The following DCC variants were observed in gnomAD, a reference collection of about 807,000 sequenced individuals.
The protein encoded by DCC is DCC netrin 1 receptor.
DCC carries 58 observed loss-of-function variants against 172.5 expected under a neutral mutation model. The ratio of observed to expected loss-of-function variants is 0.34; its 90% CI spans 0.27 to 0.42. The LOEUF (loss-of-function observed/expected upper bound fraction) is 0.42, where lower values mean the gene tolerates loss of function less well. DCC is among the 10% of genes least tolerant of loss of function. The pLI, the probability that DCC is intolerant of heterozygous loss-of-function variation, is 1.00. For missense variants in DCC, 1,740 were observed against 1,791.0 expected, an observed-to-expected ratio of 0.97 and a Z score of 0.51; for synonymous variants, 709 against 644.5, an observed-to-expected ratio of 1.10 and a Z score of -1.52.
intron 5 of DCC, among the ~76,000 whole-genome samples, chr18:53,047,265 TA>T (rs1568267955): frequency 2.5e-4 from 4 of 15,702 alleles, no homozygotes; most frequent in East Asian, 2.3e-3. Flanking sequence ...TATATATATA[TA>T]TATATATATA....
chr18:53,402,491 T>C (rs2145036492), intron 18 of DCC, among the ~76,000 whole-genome samples: 1 of 152,308 alleles, frequency 6.6e-6, no homozygotes, highest in East Asian at 1.9e-4. Flanking sequence ...ATGATTCTTT[T>C]ATTTTTAGTG....
chr18:52,867,082 A>G (rs1426343480), intron 2 of DCC, among the ~76,000 whole-genome samples: 1 of 152,186 alleles, frequency 6.6e-6, no homozygotes, highest in Non-Finnish European at 1.5e-5. Context: ...GAGAGTTTTT[A>G]GCATGAAGGG....
chr18:52,718,407 C>A (rs1253571754), intron 1 of DCC, among the ~76,000 whole-genome samples: 1 of 152,188 alleles, frequency 6.6e-6, no homozygotes, highest in Middle Eastern at 3.4e-3. Flanking sequence ...GATGACAGGG[C>A]AAGGTTTTGT....
intron 1 of DCC, among the ~76,000 whole-genome samples, chr18:52,705,667 T>C (rs557965147): frequency 5.9e-5 from 9 of 152,192 alleles, no homozygotes; most frequent in Non-Finnish European, 2.9e-5. Flanking sequence ...GATCTTGATC[T>C]AGCTTTTATC....
intron 1 of DCC, among the ~76,000 whole-genome samples, chr18:52,494,154 A>T (rs2030642629): frequency 6.6e-6 from 1 of 152,012 alleles, no homozygotes. Context: ...TTCTGTTGAG[A>T]GGTCAACTAT....
intron 7 of DCC, among the ~76,000 whole-genome samples, chr18:53,108,219 C>G (rs2043279123): frequency 6.6e-6 from 1 of 151,722 alleles, no homozygotes; most frequent in African/African-American, 2.4e-5. Context: ...CATCAATTCT[C>G]ACTTAATTCC....
intron 5 of DCC, among the ~76,000 whole-genome samples, chr18:52,986,888 T>C (rs1045425234): frequency 1.3e-5 from 2 of 151,498 alleles, no homozygotes; most frequent in Non-Finnish European, 2.9e-5. Context: ...AGTGGTGTGA[T>C]CTCAGCTCAC....
intron 5 of DCC, among the ~76,000 whole-genome samples, chr18:53,005,496 G>A (rs891295317): frequency 2.0e-5 from 3 of 152,166 alleles, no homozygotes; most frequent in African/African-American, 7.2e-5. Flanking sequence ...CACTTTGGGA[G>A]GCCAAGTTGG....
intron 1 of DCC, among the ~76,000 whole-genome samples, chr18:52,355,957 C>A (rs950119524): frequency 8.3e-4 from 126 of 151,658 alleles, no homozygotes; most frequent in African/African-American, 2.9e-3. Context: ...CTCTGGAAGA[C>A]AAAAAAGAAA....
At chr18:52,429,021 C>G (rs1987534074) in intron 1 of DCC, among the ~76,000 whole-genome samples, 1 of 152,006 alleles carries the variant, frequency 6.6e-6, no homozygotes, top group Admixed American at 6.6e-5. Context: ...CAACTCCTAC[C>G]CTCTCTTTCG....
intron 1 of DCC, among the ~76,000 whole-genome samples, chr18:52,677,924 C>A (rs1457410627): frequency 6.6e-6 from 1 of 152,078 alleles, no homozygotes; most frequent in Non-Finnish European, 1.5e-5. Flanking sequence ...CGCCACCATT[C>A]TGAAAACAAA....
At chr18:52,584,988 C>A (rs1322613470) in intron 1 of DCC, among the ~76,000 whole-genome samples, 1 of 152,188 alleles carries the variant, frequency 6.6e-6, no homozygotes. Flanking sequence ...ACATTTAGAA[C>A]TTCATTGGAG....
chr18:53,226,005 A>T lies in DCC; in HGVS notation c.1911+10408A>T, dbSNP rs563986078. Among the ~76,000 whole-genome samples the T allele has an allele frequency of 3.9e-5, 6 of 152,316 alleles. No individual in the cohort carries two copies. In the East Asian group the frequency reaches 1.2e-3, roughly 29 times the overall value. ...GAGTGGTGATGGATAACAGAAAAATAGTAAGGCCAGTGGGCTGCATTATTA... is the reference window on the plus strand; with the variant it reads ...GAGTGGTGATGGATAACAGAAAAATTGTAAGGCCAGTGGGCTGCATTATTA... On this transcript the variant is annotated intron_variant, in intron 12 of 28. Coordinates refer to ENST00000442544, the MANE Select transcript of DCC (RefSeq NM_005215.4).
chr18:53,191,533 TAC>T (rs1195686035), intron 9 of DCC, among the ~76,000 whole-genome samples: 1 of 152,226 alleles, frequency 6.6e-6, no homozygotes, highest in Non-Finnish European at 1.5e-5. Flanking sequence ...AAATTTAAAT[TAC>T]ATGTATTTGT....
intron 2 of DCC, among the ~76,000 whole-genome samples, chr18:52,804,874 G>T (rs147007993): frequency 6.6e-6 from 1 of 152,066 alleles, no homozygotes; most frequent in Non-Finnish European, 1.5e-5. Context: ...GACCTACTGC[G>T]CCTGGCCCTA....
At chr18:52,349,355 A>G (rs1361619093) in intron 1 of DCC, among the ~76,000 whole-genome samples, 1 of 152,094 alleles carries the variant, frequency 6.6e-6, no homozygotes, top group Non-Finnish European at 1.5e-5. Context: ...ATCTAAGCAA[A>G]CCCTCTGCAC....
chr18:52,773,099 C>T (rs554320613), intron 2 of DCC, among the ~76,000 whole-genome samples: 26 of 152,188 alleles, frequency 1.7e-4, no homozygotes, highest in Middle Eastern at 3.4e-3. Flanking sequence ...GCTGCTGTAA[C>T]GATTAACAGC....
chr18:52,738,388 G>A (rs9949001), intron 1 of DCC, among the ~76,000 whole-genome samples: 5 of 152,096 alleles, frequency 3.3e-5, no homozygotes, highest in African/African-American at 1.2e-4. Flanking sequence ...AACCTGTACA[G>A]CATGTTATTG....
intron 2 of DCC, among the ~76,000 whole-genome samples, chr18:52,839,616 A>T (rs778999825): frequency 6.6e-6 from 1 of 152,208 alleles, no homozygotes; most frequent in Non-Finnish European, 1.5e-5. Flanking sequence ...AAGGCAATTC[A>T]GGTAAAGCTT....
Sources: allele counts gnomAD v4.1 joint callset (sites outside exome capture counted in the v4.1 genomes callset), GRCh38; gene constraint gnomAD v4.1.1; transcripts MANE v1.5; gene names NCBI Gene and HGNC (gene_info 2026-07-23, HGNC 2026-07-21).